The following MCM2 variants were observed in gnomAD, a reference collection of about 807,000 sequenced individuals.
MCM2 encodes the protein DNA replication licensing factor MCM2.
MCM2 carries 49 observed loss-of-function variants against 86.4 expected under a neutral mutation model. The observed-to-expected ratio is 0.57, with a 90% confidence interval of 0.45 to 0.72. The LOEUF (loss-of-function observed/expected upper bound fraction) is 0.72. Ranked by LOEUF, MCM2 falls within the 30% of genes least tolerant of loss-of-function variation. The pLI, the probability that MCM2 is intolerant of heterozygous loss-of-function variation, is 0.00. For missense variants in MCM2, 1,038 were observed against 1,259.9 expected (o/e 0.82, Z 2.67); for synonymous variants, 475 against 484.6 (o/e 0.98, Z 0.26).
rs186022338 is a variant in MCM2 at position 127,604,617 on chromosome 3, C to T, written c.246C>T (p.Arg82=). The stretch of plus-strand genomic sequence containing the variant: ...TTTGGTGCTCCCTCAGGGACTACCG[C>T]GCCATCCCAGAGCTGGACGCCTATG... ...LIGDGMERDY[R]AIPELDAYEA... is the part of the protein sequence containing the mutation. Residue 82 remains arginine, a synonymous_variant, in exon 3 of 16, where the codon CGC becomes CGT. Coordinates refer to ENST00000265056, the MANE Select transcript of MCM2 (RefSeq NM_004526.4). The T allele has an allele frequency of 1.3e-4, 210 of 1,613,002 alleles. 1 individual carries two copies. The highest frequency in any genetic ancestry group is 1.8e-4 in the Middle Eastern group (1 of 5,698).
rs758184545 is a variant in MCM2 at position 127,620,877 on chromosome 3, C to G, written c.2445C>G (p.Arg815=). ...TQKFSVMRSM[R]KTFARYLSFR... ...AGTTCAGCGTCATGCGCAGCATGCG[C>G]AAGGTGGGTGTGCTCCGAGGTAGGG... is the stretch of plus-strand genomic sequence containing the variant. The change falls in exon 14 of 16, where the codon CGC becomes CGG. Residue 815 remains arginine, a synonymous_variant. Transcript: ENST00000265056. 1 of 1,602,742 alleles carries G rather than the reference C, an allele frequency of 6.2e-7. No individual in the cohort carries two copies. The highest frequency in any genetic ancestry group is 1.7e-5 in the Admixed American group (1 of 59,370).
chr3:127,606,320 G>A lies in MCM2; in HGVS notation c.876G>A (p.Glu292=). The A allele has an allele frequency of 1.2e-6, 2 of 1,614,250 alleles. No individual in the cohort carries two copies. Among genetic ancestry groups the A allele is most frequent in the Non-Finnish European group, 1.7e-6 (2 of 1,180,022 alleles). ...HVRISHLPLV[E]ELRSLRQLHL... is the part of the protein sequence containing the mutation. ...GCATCTCCCACCTGCCTCTGGTGGA[G>A]GAGCTGCGCTCGCTGAGGTGAGCTG... is the stretch of plus-strand genomic sequence containing the variant. The change falls in exon 5 of 16, where the codon GAG becomes GAA. Residue 292 remains glutamate (E), a synonymous_variant. Coordinates refer to ENST00000265056, the MANE Select transcript of MCM2 (RefSeq NM_004526.4). This position sits in a 1 kb window ranked among gnomAD's most constrained non-coding sequence, Gnocchi z 4.2.
rs1275525348 is a variant in MCM2 at position 127,620,839 on chromosome 3, A to G, written c.2407A>G (p.Ile803Val). 3.7e-6 allele frequency: 6 copies of G among 1,613,394 alleles called. No individual in the cohort carries two copies. Among genetic ancestry groups the G allele is most frequent in the South Asian group, 1.1e-5 (1 of 90,998 alleles). ...CATCCGCGTGATGCTGGAGAGCTTC[A>G]TAGACACACAGAAGTTCAGCGTCAT... ...MAIRVMLESF[I>V]DTQKFSVMRS... Residue 803 changes from isoleucine (I) to valine (V), a missense_variant, in exon 14 of 16, where the codon ATA (isoleucine) becomes GTA (valine). This residue lies in a region of MCM2 where 336 missense variants were observed against 425.7 expected (regional missense o/e 0.79). Transcript: ENST00000265056.
At chr3:127,605,910 T>C (rs796964715) in intron 4 of MCM2, among the ~76,000 whole-genome samples, 20 of 152,334 alleles carry the variant, frequency 1.3e-4, no homozygotes, top group African/African-American at 4.8e-4. Context: ...CTTTGTACAC[T>C]GTGTGACATG....
rs975351069 is a variant in MCM2, at chr3:127,609,004, A to C, written c.1409A>C (p.Asp470Ala). 1.2e-6 allele frequency: 2 copies of C among 1,614,028 alleles called. No homozygotes were observed. The highest frequency in any genetic ancestry group is 1.7e-6 in the Non-Finnish European group (2 of 1,180,040). ...AAGATGATCACTAGCCTCTCCAAGG[A>C]TCAGCAGATCGGAGAGAAGGTAGGT... ...DVKMITSLSK[D>A]QQIGEKIFAS... is the part of the protein sequence containing the mutation. The change falls in exon 8 of 16, where the codon GAT (aspartate) becomes GCT (alanine). Residue 470 changes from aspartate to alanine, a missense_variant. Asp to Ala is a moderately radical substitution (Grantham distance 126). Coordinates refer to ENST00000265056, the MANE Select transcript of MCM2 (RefSeq NM_004526.4).
chr3:127,622,184 T>C lies in MCM2; in HGVS notation c.*411T>C, dbSNP rs1314953608. On this transcript the variant is annotated 3_prime_UTR_variant, in exon 16 of 16. Transcript: ENST00000265056. ...CTTTTGCTGCCTTTGGCCAGAGAGC[T>C]GGTTGAAGATGTTTGTAATCGTTTT... 1 of 163,712 alleles carries C rather than the reference T, an allele frequency of 6.1e-6. No homozygotes were observed. The highest frequency in any genetic ancestry group is 2.4e-5 in the African/African-American group (1 of 41,640). 10.1% of individuals were successfully genotyped at this position (163,712 alleles called of 1,614,324 possible).
intron 8 of MCM2, among the ~76,000 whole-genome samples, chr3:127,614,638 G>A (rs2074420520): frequency 6.6e-6 from 1 of 152,188 alleles, no homozygotes; most frequent in Non-Finnish European, 1.5e-5. Flanking sequence ...GCCTAGTCAG[G>A]TAAATGCCTG....
In MCM2 at chr3:127,598,458, G is replaced by A. The variant is rs1347375481; in HGVS notation, c.-9G>A. On this transcript the variant is annotated 5_prime_UTR_variant, in exon 1 of 16. Coordinates refer to ENST00000265056, the MANE Select transcript of MCM2 (RefSeq NM_004526.4). ...TTGCTGTAGTGGCGGAGAGGATCGT[G>A]GTACTGCTATGGCGGTGAGCGCGCT... 2 of 1,613,410 alleles carry A rather than the reference G, an allele frequency of 1.2e-6. No individual in the cohort carries two copies. The highest frequency in any genetic ancestry group is 1.7e-5 in the Admixed American group (1 of 60,002).
At chr3:127,601,646 G>A (rs2074307202) in intron 2 of MCM2, among the ~76,000 whole-genome samples, 1 of 152,212 alleles carries the variant, frequency 6.6e-6, no homozygotes, top group African/African-American at 2.4e-5. Context: ...GATTACAGGT[G>A]TGAGCCACCA....
At position 127,606,959 on chromosome 3, in the gene MCM2, G is replaced by A. The variant is rs1346930466; in HGVS notation, c.1101+142G>A. The A allele has an allele frequency of 1.3e-6, 1 of 790,668 alleles. No individual in the cohort carries two copies. The highest frequency in any genetic ancestry group is 2.2e-5 in the Admixed American group (1 of 44,820). The allele number at this position is 790,668 out of a possible 1,614,324, so 49.0% of individuals were successfully genotyped here. On this transcript the variant is annotated intron_variant, in intron 6 of 15. Coordinates refer to ENST00000265056, the MANE Select transcript of MCM2 (RefSeq NM_004526.4). The surrounding 1 kb of genome is among the most constrained non-coding windows in gnomAD (Gnocchi z 4.2). ...GAATTGTGTGTTGGCCACACCCTGG[G>A]GTGGACCCAGTCTGTCTGGCCAGTG...
rs1049051926 is a variant in MCM2, at chr3:127,617,694, C to T, written c.1901-275C>T. On this transcript the variant is annotated intron_variant, in intron 11 of 15. Coordinates refer to ENST00000265056, the MANE Select transcript of MCM2 (RefSeq NM_004526.4). The surrounding 1 kb of genome is among the most constrained non-coding windows in gnomAD (Gnocchi z 4.1). ...CCAGGATGGAGTTGGCTGTTGGTCT[C>T]AGCAGCGAATGCGTAAAAGAACCCA... The T allele has an allele frequency of 8.5e-6, 5 of 589,670 alleles. No homozygotes were observed. The highest frequency in any genetic ancestry group is 1.9e-5 in the African/African-American group (1 of 53,688). 36.5% of individuals were successfully genotyped at this position (589,670 alleles called of 1,614,324 possible). A position where few individuals can be genotyped will look rare whatever the true frequency, so the allele number is the denominator to read the frequency against.
intron 15 of MCM2, 50 bp from the exon 16 acceptor site, chr3:127,621,613 C>T: frequency 8.1e-7 from 1 of 1,240,134 alleles, no homozygotes; most frequent in Non-Finnish European, 1.2e-6. Flanking sequence ...GCTCTGGAAA[C>T]AGCCTGTTCT....
At chr3:127,599,594 G>A (rs575839692) in intron 2 of MCM2, 47 bp downstream of exon 2, 2 of 1,531,628 alleles carry the variant, frequency 1.3e-6, no homozygotes, top group African/African-American at 1.4e-5. Context: ...TTTGCAGAGA[G>A]CCCATTGTGT....
chr3:127,605,176 C>G lies in MCM2; in HGVS notation c.673+20C>G. On this transcript the variant is annotated intron_variant, in intron 4 of 15. Coordinates refer to ENST00000265056, the MANE Select transcript of MCM2 (RefSeq NM_004526.4). ...GCAAAGGTGTGGCTTCCCTACGCCC[C>G]CGCCTCAGCCCCTGTAGCGCCTCCC... The G allele has an allele frequency of 6.2e-7, 1 of 1,606,536 alleles. No individual in the cohort carries two copies. Among genetic ancestry groups the G allele is most frequent in the East Asian group, 2.2e-5 (1 of 44,680 alleles).
At chr3:127,609,798 CT>C (rs1388653305) in intron 8 of MCM2, among the ~76,000 whole-genome samples, 1 of 150,828 alleles carries the variant, frequency 6.6e-6, no homozygotes, top group East Asian at 1.9e-4. Context: ...CTGCTCTCCC[CT>C]TTCTCTTCCT....
At chr3:127,607,354 T>C (rs906973350) in intron 6 of MCM2, among the ~76,000 whole-genome samples, 14 of 152,258 alleles carry the variant, frequency 9.2e-5, no homozygotes, top group Admixed American at 9.2e-4. Flanking sequence ...TCCCTGTAAA[T>C]GGGCTCATCG....
intron 9 of MCM2, 95 bp from the exon 10 acceptor site, chr3:127,616,773 A>C: frequency 7.2e-7 from 1 of 1,393,786 alleles, no homozygotes; most frequent in South Asian, 1.3e-5. Flanking sequence ...ACCATTCCTA[A>C]CAAGTAGGTT....
chr3:127,608,734 G>T (rs1186169578), intron 7 of MCM2, 98 bp from the exon 8 acceptor site: 3 of 1,308,508 alleles, frequency 2.3e-6, no homozygotes, highest in African/African-American at 2.9e-5. Flanking sequence ...GGTGTCTGTA[G>T]TGTGGAGCAC....
Position 127,606,919 on chromosome 3 carries a change from G to C in MCM2, c.1101+102G>C, listed in dbSNP as rs560066309. The C allele has an allele frequency of 9.0e-6, 10 of 1,112,698 alleles. No individual in the cohort carries two copies. The South Asian group carries it at 1.2e-4, about 14-fold the overall frequency. The allele number at this position is 1,112,698 out of a possible 1,614,324, so 68.9% of individuals were successfully genotyped here. A position where few individuals can be genotyped will look rare whatever the true frequency, so the allele number is the denominator to read the frequency against. ...CTGTGGAAGACCAGTGTGGGCAGCCGCAAGAAGCAAGATAGAATTGTGTGT... is the reference window on the plus strand; with the variant it reads ...CTGTGGAAGACCAGTGTGGGCAGCCCCAAGAAGCAAGATAGAATTGTGTGT... On this transcript the variant is annotated intron_variant, in intron 6 of 15. Transcript: ENST00000265056. The surrounding 1 kb of genome is among the most constrained non-coding windows in gnomAD (Gnocchi z 4.2).
Sources: allele counts gnomAD v4.1 joint callset (sites outside exome capture counted in the v4.1 genomes callset), GRCh38; gene constraint gnomAD v4.1.1; regional missense constraint gnomAD v4.1.1; non-coding constraint Gnocchi (gnomAD v3.1); transcripts MANE v1.5; gene names NCBI Gene and HGNC (gene_info 2026-07-23, HGNC 2026-07-21).